Variants in ZNF799 observed in about 807,000 individuals in gnomAD.
ZNF799 encodes the protein zinc finger protein 14.
Under a neutral mutation model 41.0 loss-of-function variants are expected in ZNF799, and 28 were observed. The observed-to-expected ratio is 0.68, with a 90% CI of 0.51 to 0.94. The LOEUF is 0.94. Among genes scored for constraint, ZNF799 ranks in the 40% least tolerant of loss-of-function variants. ZNF799 has a pLI of 0.00. For synonymous variants in ZNF799, 213 were observed against 252.9 expected (o/e 0.84, Z 1.50); for missense variants, 716 against 764.3 (o/e 0.94, Z 0.74).
chr19:12,397,821 G>GA (rs1285612351), intron 1 of ZNF799, among the ~76,000 whole-genome samples: 1 of 151,580 alleles, frequency 6.6e-6, no homozygotes, highest in Non-Finnish European at 1.5e-5. Context: ...TGACACAGTA[G>GA]AAAAAAAACA....
At chr19:12,414,095 TGGA>T in the ZNF799 span, among the ~76,000 whole-genome samples, 5 of 151,782 alleles carry the variant, frequency 3.3e-5, no homozygotes, top group South Asian at 4.2e-4. Context: ...GCGCAAGGAG[TGGA>T]GAAGATGCCC....
chr19:12,401,600 G>GA (rs1224228334), upstream of ZNF799, among the ~76,000 whole-genome samples: 5 of 128,860 alleles, frequency 3.9e-5, no homozygotes, highest in African/African-American at 1.6e-4. Flanking sequence ...GAGAGAGAGA[G>GA]GGAGTCTTGC....
Position 12,391,741 on chromosome 19 carries a change from G to T in ZNF799, c.657C>A (p.His219Gln). The T allele has an allele frequency of 6.2e-7, 1 of 1,614,110 alleles. No homozygotes were observed. The highest frequency in any genetic ancestry group is 8.5e-7 in the Non-Finnish European group (1 of 1,180,002). The change falls in exon 4 of 4, where the codon CAC becomes CAA. Residue 219 changes from histidine to glutamine, a missense_variant. Transcript: ENST00000430385. ...TACATTCATATGGTTTCTCTCCAGTGTGCGTTCTCTCATGCATATGTAATA... is the reference window on the plus strand; with the variant it reads ...TACATTCATATGGTTTCTCTCCAGTTTGCGTTCTCTCATGCATATGTAATA... ...PSLLHMHERT[H>Q]TGEKPYECKQ...
At chr19:12,406,188 A>G (rs948235562), upstream of ZNF799, among the ~76,000 whole-genome samples, 100 of 148,964 alleles carry the variant, frequency 6.7e-4, no homozygotes, top group Admixed American at 1.1e-3. Context: ...AAAAAAAAGA[A>G]AAAAAAAAAG....
chr19:12,404,128 A>G (rs140112479), upstream of ZNF799, among the ~76,000 whole-genome samples: 256 of 152,078 alleles, frequency 1.7e-3, 1 homozygote, highest in African/African-American at 5.9e-3. Flanking sequence ...AATTATTTCA[A>G]TTTTTTTGGA....
Position 12,391,742 on chromosome 19 carries a change from T to C in ZNF799, c.656A>G (p.His219Arg). ...ACATTCATATGGTTTCTCTCCAGTG[T>C]GCGTTCTCTCATGCATATGTAATAA... ...PSLLHMHERT[H>R]TGEKPYECKQ... Residue 219 changes from histidine (H) to arginine (R), a missense_variant, in exon 4 of 4, where the codon CAC becomes CGC. Physicochemically the swap from His to Arg is conservative, Grantham distance 29. Transcript: ENST00000430385. The C allele has an allele frequency of 6.2e-7, 1 of 1,614,186 alleles. No individual in the cohort carries two copies. The highest frequency in any genetic ancestry group is 8.5e-7 in the Non-Finnish European group (1 of 1,180,018).
the ZNF799 span, among the ~76,000 whole-genome samples, chr19:12,407,938 C>G: frequency 2.6e-5 from 4 of 152,294 alleles, no homozygotes; most frequent in Admixed American, 6.5e-5. Context: ...GGGAGGATTA[C>G]TTGAGCCCAG....
At position 12,390,301 on chromosome 19, in the gene ZNF799, A is replaced by C; in HGVS notation, c.*165T>G. On this transcript the variant is annotated 3_prime_UTR_variant, in exon 4 of 4. Coordinates refer to ENST00000430385, the MANE Select transcript of ZNF799 (RefSeq NM_001080821.3). ...TCACGGAGTGCTGGAACCAATACCC[A>C]GCAGGTATCAAGGGATGACTGTACT... 3 of 1,309,044 alleles carry C rather than the reference A, an allele frequency of 2.3e-6. No individual in the cohort carries two copies. Among genetic ancestry groups the C allele is most frequent in the Non-Finnish European group, 3.1e-6 (3 of 960,204 alleles). 81.1% of individuals were successfully genotyped at this position (1,309,044 alleles called of 1,614,324 possible).
chr19:12,404,331 A>T (rs1339336274), upstream of ZNF799, among the ~76,000 whole-genome samples: 1 of 152,186 alleles, frequency 6.6e-6, no homozygotes, highest in East Asian at 1.9e-4. Flanking sequence ...GTATATATTG[A>T]GATAATCTTT....
chr19:12,408,522 T>C, the ZNF799 span, among the ~76,000 whole-genome samples: 2 of 152,084 alleles, frequency 1.3e-5, no homozygotes, highest in African/African-American at 4.8e-5. Context: ...CTATTTTAAA[T>C]AGAAAGACAC....
chr19:12,402,416 C>T (rs373593709), upstream of ZNF799, among the ~76,000 whole-genome samples: 76 of 124,940 alleles, frequency 6.1e-4, no homozygotes, highest in Non-Finnish European at 6.6e-4. Context: ...CCCTTTATTT[C>T]TTTTTTTTTT....
chr19:12,410,803 G>A, the ZNF799 span, among the ~76,000 whole-genome samples: 1 of 152,138 alleles, frequency 6.6e-6, no homozygotes, highest in Non-Finnish European at 1.5e-5. Context: ...GCAATTGCAT[G>A]TCTACAGATT....
chr19:12,400,119 TAGG>T (rs1969953879), intron 1 of ZNF799, among the ~76,000 whole-genome samples: 1 of 152,112 alleles, frequency 6.6e-6, no homozygotes, highest in Admixed American at 6.5e-5. Context: ...CTGCCAGCCC[TAGG>T]AGGAGTCAGG....
chr19:12,399,755 C>T (rs1969949857), intron 1 of ZNF799, among the ~76,000 whole-genome samples: 2 of 151,464 alleles, frequency 1.3e-5, no homozygotes, highest in South Asian at 4.2e-4. Context: ...GCCATCATCC[C>T]ACCTCAGCCT....
chr19:12,391,627 C>T lies in ZNF799; in HGVS notation c.771G>A (p.Gln257=). The change falls in exon 4 of 4, where the codon CAG becomes CAA. Residue 257 remains glutamine (Q), a synonymous_variant. Coordinates refer to ENST00000430385, the MANE Select transcript of ZNF799 (RefSeq NM_001080821.3). The part of the protein sequence containing the change: ...HTGEKLYECK[Q]CSKAFPDYSS... ...TGTAATCAGGGAAGGCTTTAGAACA[C>T]TGTTTACATTCATACAGTTTCTCCC... The T allele has an allele frequency of 6.2e-7, 1 of 1,612,340 alleles. No homozygotes were observed. Among genetic ancestry groups the T allele is most frequent in the African/African-American group, 1.3e-5 (1 of 74,984 alleles).
In ZNF799 at chr19:12,391,904, C is replaced by T; in HGVS notation, c.494G>A (p.Gly165Glu). ...SLQTHERLHTGKKPYNCKECG... is the reference protein window; with the variant it reads ...SLQTHERLHTEKKPYNCKECG... Reference sequence around the variant, plus strand: ...TTCTTTACAATTATATGGTTTCTTTCCAGTGTGAAGCCTCTCATGTGTTTG... The same window carrying T: ...TTCTTTACAATTATATGGTTTCTTTTCAGTGTGAAGCCTCTCATGTGTTTG... Residue 165 changes from glycine to glutamate, a missense_variant, in exon 4 of 4, where the codon GGA becomes GAA. Coordinates refer to ENST00000430385, the MANE Select transcript of ZNF799 (RefSeq NM_001080821.3). 1.2e-6 allele frequency: 2 copies of T among 1,614,204 alleles called. No homozygotes were observed. The highest frequency in any genetic ancestry group is 1.1e-5 in the South Asian group (1 of 91,086).
In ZNF799 at chr19:12,401,170, T is replaced by G; in HGVS notation, c.-100A>C. ...TGCCACGGAACTTCCAGGTCGTCTC[T>G]TAGCTACAGAGCCGAGCACCGAGCG... is the stretch of plus-strand genomic sequence containing the variant. On this transcript the variant is annotated 5_prime_UTR_variant, in exon 1 of 4. Transcript: ENST00000430385. 6.2e-7 allele frequency: 1 copy of G among 1,604,278 alleles called. No homozygotes were observed. The highest frequency in any genetic ancestry group is 8.5e-7 in the Non-Finnish European group (1 of 1,176,680).
At chr19:12,407,474 A>G in the ZNF799 span, among the ~76,000 whole-genome samples, 1 of 150,306 alleles carries the variant, frequency 6.7e-6, no homozygotes, top group African/African-American at 2.4e-5. Context: ...AAAAAAAAAG[A>G]GAGAGAGAGA....
the ZNF799 span, among the ~76,000 whole-genome samples, chr19:12,414,004 T>C: frequency 6.6e-6 from 1 of 152,206 alleles, no homozygotes; most frequent in African/African-American, 2.4e-5. Flanking sequence ...CTACGGCTCC[T>C]GCGGCCTGTG....
Sources: allele counts gnomAD v4.1 joint callset (sites outside exome capture counted in the v4.1 genomes callset), GRCh38; gene constraint gnomAD v4.1.1; transcripts MANE v1.5; gene names NCBI Gene and HGNC (gene_info 2026-07-23, HGNC 2026-07-21).